Variants in LDHC observed in about 807,000 individuals in gnomAD.
LDHC encodes L-lactate dehydrogenase C chain.
A neutral mutation model predicts 30.2 loss-of-function variants in LDHC; 20 were observed. The observed-to-expected ratio is 0.66, with a 90% CI of 0.47 to 0.96. The LOEUF is 0.96. Among genes scored for constraint, LDHC ranks in the 40% least tolerant of loss-of-function variants. LDHC has a pLI of 0.00. For synonymous variants in LDHC, 139 were observed against 132.7 expected (o/e 1.05, Z -0.32); for missense variants, 362 against 394.9 (o/e 0.92, Z 0.71).
chr11:18,451,665 A>C lies in LDHC; in HGVS notation c.*538A>C, dbSNP rs1359079171. 1 of 152,192 alleles carries C rather than the reference A, an allele frequency of 6.6e-6. No individual in the cohort carries two copies. The allele number at this position is 152,192 out of a possible 1,614,324, so 9.4% of individuals were successfully genotyped here. The stretch of plus-strand genomic sequence containing the variant: ...AGACCATATATATCAAAAAGAAATA[A>C]AAAGCTGAGTGCTGTGGCTCATGGC... On this transcript the variant is annotated 3_prime_UTR_variant, in exon 8 of 8. Coordinates refer to ENST00000541669, the MANE Select transcript of LDHC (RefSeq NM_017448.5).
chr11:18,449,263 TC>T (rs934738388), intron 7 of LDHC, among the ~76,000 whole-genome samples: 1 of 150,732 alleles, frequency 6.6e-6, no homozygotes, highest in African/African-American at 2.4e-5. Context: ...ATAACAAGAC[TC>T]CATCTCTATA....
chr11:18,415,423 A>T (rs1866992757), intron 3 of LDHC, 122 bp downstream of exon 3: 1 of 577,452 alleles, frequency 1.7e-6, no homozygotes, highest in Non-Finnish European at 3.0e-6. Context: ...ATATAATTTA[A>T]TTTAGTTGAT....
At chr11:18,413,152 G>GC (rs1281527919) in intron 2 of LDHC, among the ~76,000 whole-genome samples, 1 of 150,988 alleles carries the variant, frequency 6.6e-6, no homozygotes, top group Non-Finnish European at 1.5e-5. Context: ...CGCGATCTTG[G>GC]CCCACTGCAA....
At chr11:18,444,857 T>G (rs1848529397) in intron 6 of LDHC, among the ~76,000 whole-genome samples, 1 of 151,744 alleles carries the variant, frequency 6.6e-6, no homozygotes, top group South Asian at 2.1e-4. Flanking sequence ...GACCACTATT[T>G]GTAGCAATGC....
intron 3 of LDHC, among the ~76,000 whole-genome samples, chr11:18,426,526 C>CAA (rs33993685): frequency 0.25 from 28,011 of 110,988 alleles, 4,727 homozygotes; most frequent in African/African-American, 0.46. Flanking sequence ...GACTCCGTCT[C>CAA]AAAAAAAAAA....
chr11:18,444,603 G>GATATATATATATATAT (rs1565057770), intron 6 of LDHC, among the ~76,000 whole-genome samples: 1 of 75,594 alleles, frequency 1.3e-5, no homozygotes, highest in Non-Finnish European at 3.0e-5. Flanking sequence ...GTGTTCAGGT[G>GATATATATATATATAT]GTATATATAT....
At chr11:18,444,181 C>A (rs1848511252) in intron 6 of LDHC, among the ~76,000 whole-genome samples, 2 of 152,110 alleles carry the variant, frequency 1.3e-5, no homozygotes, top group Admixed American at 1.3e-4. Context: ...TATTTGCTCC[C>A]TTTACCCTTT....
chr11:18,431,480 A>G (rs1437666211), intron 4 of LDHC, among the ~76,000 whole-genome samples: 1 of 152,174 alleles, frequency 6.6e-6, no homozygotes, highest in Admixed American at 6.6e-5. Flanking sequence ...AAAAATAAAA[A>G]TAAATAAATA....
intron 6 of LDHC, among the ~76,000 whole-genome samples, chr11:18,443,713 G>T (rs781758862): frequency 1.3e-5 from 2 of 152,054 alleles, no homozygotes; most frequent in Non-Finnish European, 2.9e-5. Context: ...GCCCACCTTG[G>T]CCTCCCAAAG....
chr11:18,444,912 C>T (rs899986687), intron 6 of LDHC, among the ~76,000 whole-genome samples: 2 of 151,864 alleles, frequency 1.3e-5, no homozygotes, highest in African/African-American at 4.8e-5. Flanking sequence ...GAAATTCAGA[C>T]AGGCATAAAG....
chr11:18,418,665 G>A (rs557103285), intron 3 of LDHC, among the ~76,000 whole-genome samples: 39 of 152,074 alleles, frequency 2.6e-4, no homozygotes, highest in African/African-American at 9.2e-4. Flanking sequence ...GACCTCAAGC[G>A]ATCCACCTGC....
chr11:18,445,429 C>T (rs945461063), intron 6 of LDHC, among the ~76,000 whole-genome samples: 5 of 152,118 alleles, frequency 3.3e-5, no homozygotes, highest in African/African-American at 1.2e-4. Context: ...GAACTTCTGA[C>T]CTCGTGATCC....
At chr11:18,438,433 T>G in intron 5 of LDHC, 95 bp from the exon 6 acceptor site, 2 of 738,608 alleles carry the variant, frequency 2.7e-6, no homozygotes, top group Non-Finnish European at 4.9e-6. Context: ...CTGAACCATA[T>G]CAGGTGGCAA....
Position 18,450,978 on chromosome 11 carries a change from AAAG to A in LDHC, c.856_858del (p.Glu286del), listed in dbSNP as rs1848646140. ...TGCCTTTCAGGGATTATATGGAATA[AAAG>A]AAGAACTCTTTCTCAGTATCCCTTG... On this transcript the variant is annotated inframe_deletion, in exon 8 of 8. Coordinates refer to ENST00000541669, the MANE Select transcript of LDHC (RefSeq NM_017448.5). 3 of 1,588,842 alleles carry A rather than the reference AAAG, an allele frequency of 1.9e-6. No individual in the cohort carries two copies. Among genetic ancestry groups the A allele is most frequent in the Admixed American group, 1.9e-5 (1 of 52,470 alleles).
intron 6 of LDHC, 44 bp from the exon 7 acceptor site, chr11:18,446,166 T>A (rs1427937842): frequency 6.6e-7 from 1 of 1,520,796 alleles, no homozygotes; most frequent in South Asian, 1.1e-5. Flanking sequence ...TTTCTCTGGG[T>A]TGACTTATTA....
chr11:18,421,369 A>G (rs1443279323), intron 3 of LDHC, among the ~76,000 whole-genome samples: 4 of 151,970 alleles, frequency 2.6e-5, no homozygotes, highest in Non-Finnish European at 5.9e-5. Context: ...ATTTTTAAAT[A>G]ATTTTTAAAG....
Position 18,429,770 on chromosome 11 carries a change from T to C in LDHC, c.278T>C (p.Ile93Thr), listed in dbSNP as rs1233188387. 2 of 1,611,606 alleles carry C rather than the reference T, an allele frequency of 1.2e-6. No homozygotes were observed. The highest frequency in any genetic ancestry group is 8.5e-7 in the Non-Finnish European group (1 of 1,178,284). The change falls in exon 4 of 8, where the codon ATT (isoleucine) becomes ACT (threonine). Residue 93 changes from isoleucine (I) to threonine (T), a missense_variant. Ile to Thr is a moderately conservative substitution (Grantham distance 89). Transcript: ENST00000541669. ...GTATCTGCAAACTCCAGAATAGTTA[T>C]TGTCACAGCAGGTGCAAGGCAGCAG... ...YSVSANSRIV[I>T]VTAGARQQEG...
chr11:18,444,807 C>G (rs928708009), intron 6 of LDHC, among the ~76,000 whole-genome samples: 1 of 151,356 alleles, frequency 6.6e-6, no homozygotes. Flanking sequence ...TAAATTAAAC[C>G]CTCTTTGTCC....
intron 2 of LDHC, among the ~76,000 whole-genome samples, chr11:18,414,937 A>C (rs896054992): frequency 6.6e-6 from 1 of 152,162 alleles, no homozygotes; most frequent in African/African-American, 2.4e-5. Flanking sequence ...AAAAAAAAAC[A>C]AAAACAAAAA....
Sources: gnomAD v4.1 joint callset for allele counts (sites outside exome capture counted in the v4.1 genomes callset) on GRCh38, gnomAD v4.1.1 for gene constraint, MANE v1.5 for transcripts, NCBI Gene and HGNC (gene_info 2026-07-23, HGNC 2026-07-21) for gene names.